The following CCDC15 variants were observed in gnomAD, a reference collection of about 807,000 sequenced individuals.
CCDC15 encodes coiled-coil domain containing 15.
In CCDC15, 105 loss-of-function variants were observed where a neutral mutation model predicts 114.5. The observed-to-expected ratio is 0.92, with a 90% confidence interval of 0.78 to 1.08. The LOEUF (loss-of-function observed/expected upper bound fraction) is 1.08, where lower values mean the gene tolerates loss of function less well. Ranked by LOEUF, CCDC15 falls within the 50% of genes least tolerant of loss-of-function variation. The probability of loss-of-function intolerance (pLI) is 0.00; values close to 1 mark genes in which losing one functional copy is unlikely to be tolerated. For synonymous variants in CCDC15, 334 were observed against 377.8 expected, an observed-to-expected ratio of 0.88 and a Z score of 1.34; for missense variants, 1,105 against 1,093.6, an observed-to-expected ratio of 1.01 and a Z score of -0.15.
chr11:124,979,307 G>A (rs1387226334), intron 6 of CCDC15, among the ~76,000 whole-genome samples: 1 of 151,388 alleles, frequency 6.6e-6, no homozygotes, highest in Non-Finnish European at 1.5e-5. Flanking sequence ...TTTTCAAATA[G>A]TTTCTATGAA....
At chr11:124,991,378 G>T in intron 8 of CCDC15, 83 bp from the exon 9 acceptor site, 1 of 892,502 alleles carries the variant, frequency 1.1e-6, no homozygotes, top group South Asian at 3.0e-5. Flanking sequence ...CTACCCTTTG[G>T]CCTTCAATGA....
At position 124,992,674 on chromosome 11, in the gene CCDC15, C is replaced by G. The variant is rs750991622; in HGVS notation, c.2126C>G (p.Ser709Cys). ...GTACCTAAAATCCAGGACCAAGACT[C>G]CCCTAGAGAACAGGTAGAACCGAAT... ...YVVPKIQDQD[S>C]PREQNKHIKL... The change falls in exon 10 of 16, where the codon TCC becomes TGC. Residue 709 changes from serine to cysteine, a missense_variant. Physicochemically the swap from Ser to Cys is moderately radical, Grantham distance 112 (BLOSUM62 -1). Transcript: ENST00000344762. The G allele has an allele frequency of 1.0e-5, 16 of 1,576,732 alleles. No homozygotes were observed. Among genetic ancestry groups the G allele is most frequent in the Non-Finnish European group, 1.7e-6 (2 of 1,155,572 alleles).
intron 6 of CCDC15, among the ~76,000 whole-genome samples, chr11:124,979,745 G>A (rs1948035547): frequency 6.6e-6 from 1 of 152,066 alleles, no homozygotes; most frequent in Non-Finnish European, 1.5e-5. Context: ...CTTCCTACTT[G>A]GATGTCATTT....
At chr11:125,003,777 A>C (rs1287183765) in intron 11 of CCDC15, 90 bp from the exon 12 acceptor site, 1 of 702,242 alleles carries the variant, frequency 1.4e-6, no homozygotes, top group African/African-American at 1.9e-5. Flanking sequence ...CCAAGTTTGC[A>C]AAAGAAAAGA....
At chr11:125,004,089 A>C (rs1199911520) in intron 12 of CCDC15, 130 bp downstream of exon 12, 4 of 471,876 alleles carry the variant, frequency 8.5e-6, no homozygotes, top group Non-Finnish European at 1.4e-5. Flanking sequence ...TAAATCAAAT[A>C]AAAGTTGCTT....
intron 15 of CCDC15, among the ~76,000 whole-genome samples, chr11:125,039,876 G>C (rs754171254): frequency 6.6e-6 from 1 of 152,014 alleles, no homozygotes; most frequent in Non-Finnish European, 1.5e-5. Context: ...TACTCCTTTT[G>C]CACCTCACAC....
chr11:125,010,835 G>A (rs1948586050), intron 13 of CCDC15, among the ~76,000 whole-genome samples: 1 of 152,134 alleles, frequency 6.6e-6, no homozygotes, highest in African/African-American at 2.4e-5. Flanking sequence ...TGTTGCAATT[G>A]CTTTTGAGGA....
At chr11:125,018,418 A>T (rs1591610330) in intron 13 of CCDC15, among the ~76,000 whole-genome samples, 1 of 151,940 alleles carries the variant, frequency 6.6e-6, no homozygotes, top group Non-Finnish European at 1.5e-5. Flanking sequence ...TGTTTTCATG[A>T]CAAAGATGAA....
rs890291864 is a variant in CCDC15 at position 124,956,408 on chromosome 11, T to C, written c.177+1499T>C. 6.6e-5 allele frequency among the ~76,000 whole-genome samples: 10 copies of C among 151,878 alleles called. No individual in the cohort carries two copies. The East Asian group carries it at 1.9e-3, about 29-fold the overall frequency. On this transcript the variant is annotated intron_variant, in intron 2 of 15. Transcript: ENST00000344762. Reference sequence around the variant, plus strand: ...GTGAACTATGATCATACTACTGCACTCTAGCCTGGGCAATAGAGTGAGACC... The same window carrying C: ...GTGAACTATGATCATACTACTGCACCCTAGCCTGGGCAATAGAGTGAGACC...
At chr11:124,968,425 A>G (rs558096553) in intron 4 of CCDC15, among the ~76,000 whole-genome samples, 2 of 152,346 alleles carry the variant, frequency 1.3e-5, no homozygotes, top group East Asian at 3.9e-4. Flanking sequence ...CTGCGCTAGC[A>G]GTGAGCAAGG....
intron 9 of CCDC15, among the ~76,000 whole-genome samples, chr11:124,992,289 CA>C (rs1300517663): frequency 2.0e-5 from 3 of 152,124 alleles, no homozygotes; most frequent in African/African-American, 7.2e-5. Context: ...CAACTCTTAC[CA>C]AAGCCAACAG....
intron 5 of CCDC15, among the ~76,000 whole-genome samples, chr11:124,976,463 C>G (rs1205643894): frequency 1.3e-5 from 2 of 152,000 alleles, no homozygotes; most frequent in African/African-American, 2.4e-5. Context: ...CTAGCATTGC[C>G]TTGTGGCTCC....
chr11:124,970,913 A>T (rs1947866540), intron 4 of CCDC15, among the ~76,000 whole-genome samples: 1 of 152,250 alleles, frequency 6.6e-6, no homozygotes, highest in Non-Finnish European at 1.5e-5. Context: ...GTTACAAAGA[A>T]GTGCTTTTGC....
At position 125,040,661 on chromosome 11, in the gene CCDC15, G is replaced by A. The variant is rs777075138; in HGVS notation, c.2806G>A (p.Ala936Thr). The A allele has an allele frequency of 3.3e-5, 53 of 1,611,574 alleles. No individual in the cohort carries two copies. The highest frequency in any genetic ancestry group is 1.6e-4 in the Middle Eastern group (1 of 6,062). The change falls in exon 16 of 16, where the codon GCA (alanine) becomes ACA (threonine). Residue 936 changes from alanine (A) to threonine (T), a missense_variant. Coordinates refer to ENST00000344762, the MANE Select transcript of CCDC15 (RefSeq NM_025004.3). ...VPGGNSTLRV[A>T]IHNFASAHRR... ...TGGGGGTAATTCAACTCTTCGAGTC[G>A]CAATTCATAATTTTGCTTCTGCACA...
chr11:124,977,668 A>G, intron 6 of CCDC15, 68 bp downstream of exon 6: 1 of 1,492,718 alleles, frequency 6.7e-7, no homozygotes, highest in Non-Finnish European at 9.0e-7. Flanking sequence ...CTAACTAAGG[A>G]TGGGATAAAG....
At chr11:124,993,868 T>C (rs1055761508) in intron 11 of CCDC15, among the ~76,000 whole-genome samples, 2 of 152,254 alleles carry the variant, frequency 1.3e-5, no homozygotes, top group Middle Eastern at 6.8e-3. Flanking sequence ...GCCAAAATGG[T>C]TTTAGAATTT....
intron 11 of CCDC15, among the ~76,000 whole-genome samples, chr11:124,997,993 G>A (rs553710218): frequency 2.0e-5 from 3 of 152,192 alleles, no homozygotes; most frequent in Admixed American, 6.5e-5. Context: ...AAGGAAATGA[G>A]GAACATGGAA....
intron 13 of CCDC15, among the ~76,000 whole-genome samples, chr11:125,015,736 C>T (rs540901217): frequency 3.3e-5 from 5 of 152,170 alleles, no homozygotes; most frequent in East Asian, 3.9e-4. Flanking sequence ...TCAAATAAAG[C>T]ATAACTTTAA....
At chr11:124,968,066 G>A (rs182974818) in intron 4 of CCDC15, among the ~76,000 whole-genome samples, 14 of 152,222 alleles carry the variant, frequency 9.2e-5, no homozygotes, top group Admixed American at 2.6e-4. Context: ...GGTGTCAGTC[G>A]GTCCCTACTG....
Sources: allele counts gnomAD v4.1 joint callset (sites outside exome capture counted in the v4.1 genomes callset), GRCh38; gene constraint gnomAD v4.1.1; transcripts MANE v1.5; gene names NCBI Gene and HGNC (gene_info 2026-07-23, HGNC 2026-07-21).